Variants in GPC5 observed in about 807,000 individuals in gnomAD.
GPC5 encodes the protein glypican-5.
A neutral mutation model predicts 53.9 loss-of-function variants in GPC5; 47 were observed. The observed-to-expected ratio is 0.87, with a 90% CI of 0.69 to 1.11. The LOEUF is 1.11. Ranked by LOEUF, GPC5 falls within the 50% of genes most tolerant of loss-of-function variation. GPC5 has a pLI of 0.00. For missense variants in GPC5, 748 were observed against 713.1 expected (o/e 1.05, Z -0.56); for synonymous variants, 286 against 263.3 (o/e 1.09, Z -0.84).
intron 7 of GPC5, among the ~76,000 whole-genome samples, chr13:92,501,657 A>G (rs945916707): frequency 6.6e-6 from 1 of 152,098 alleles, no homozygotes; most frequent in Non-Finnish European, 1.5e-5. Context: ...TAATCCAAGA[A>G]AACAAAAAGA....
chr13:92,618,971 C>T (rs1211012420), intron 7 of GPC5, among the ~76,000 whole-genome samples: 2 of 151,886 alleles, frequency 1.3e-5, no homozygotes, highest in African/African-American at 4.8e-5. Flanking sequence ...TAAATTTAGT[C>T]ACATCTATAT....
chr13:92,094,475 C>A (rs189914033), intron 6 of GPC5, among the ~76,000 whole-genome samples: 1 of 128,820 alleles, frequency 7.8e-6, no homozygotes, highest in East Asian at 2.3e-4. Context: ...GAGCCGAAAT[C>A]GTACCACTGC....
intron 2 of GPC5, among the ~76,000 whole-genome samples, chr13:91,490,959 C>T (rs1269568334): frequency 6.6e-6 from 1 of 152,106 alleles, no homozygotes; most frequent in East Asian, 1.9e-4. Flanking sequence ...GTTTCCCCTT[C>T]CCCCACCATA....
intron 7 of GPC5, among the ~76,000 whole-genome samples, chr13:92,453,981 C>G (rs1878168078): frequency 6.6e-6 from 1 of 152,248 alleles, no homozygotes; most frequent in South Asian, 2.1e-4. Context: ...TCTGGTACCA[C>G]AGTAGTCAAG....
intron 7 of GPC5, among the ~76,000 whole-genome samples, chr13:92,751,795 G>GTC (rs1566400946): frequency 3.4e-4 from 52 of 152,172 alleles, no homozygotes; most frequent in Admixed American, 2.3e-3. Context: ...TGAGGGACAT[G>GTC]ACTTAAAACA....
At chr13:92,634,306 A>T (rs1404339775) in intron 7 of GPC5, among the ~76,000 whole-genome samples, 1 of 152,070 alleles carries the variant, frequency 6.6e-6, no homozygotes, top group African/African-American at 2.4e-5. Flanking sequence ...CTGTTCCTGA[A>T]GTTTGGATAG....
chr13:92,005,431 C>T (rs1377367782), intron 6 of GPC5, among the ~76,000 whole-genome samples: 1 of 152,048 alleles, frequency 6.6e-6, no homozygotes, highest in Non-Finnish European at 1.5e-5. Flanking sequence ...GTGGTTAGGG[C>T]CCTCAGCTTC....
intron 7 of GPC5, among the ~76,000 whole-genome samples, chr13:92,628,256 T>TTTTC (rs1885112250): frequency 6.0e-5 from 8 of 134,158 alleles, no homozygotes; most frequent in Non-Finnish European, 3.1e-5. Context: ...TTCTTTTTCT[T>TTTTC]TTTCTTTCTT....
At chr13:92,797,271 A>T (rs1876719383) in intron 7 of GPC5, among the ~76,000 whole-genome samples, 1 of 151,966 alleles carries the variant, frequency 6.6e-6, no homozygotes. Flanking sequence ...TAATCATAAG[A>T]CTCAACAAAA....
intron 5 of GPC5, among the ~76,000 whole-genome samples, chr13:91,880,974 A>G (rs1802126678): frequency 6.6e-6 from 1 of 152,088 alleles, no homozygotes; most frequent in African/African-American, 2.4e-5. Context: ...TGTTTTTAGT[A>G]GAGATGGGGT....
intron 6 of GPC5, among the ~76,000 whole-genome samples, chr13:92,028,219 T>TA (rs1259670760): frequency 1.3e-5 from 2 of 152,078 alleles, no homozygotes; most frequent in East Asian, 3.8e-4. Context: ...TCTTGCAAGA[T>TA]AAAAACGAAC....
chr13:91,494,264 A>G (rs1226720691), intron 2 of GPC5, among the ~76,000 whole-genome samples: 1 of 151,466 alleles, frequency 6.6e-6, no homozygotes, highest in East Asian at 1.9e-4. Flanking sequence ...TGTACACAAG[A>G]TCTATCTCCT....
intron 7 of GPC5, among the ~76,000 whole-genome samples, chr13:92,436,229 C>T (rs1182403863): frequency 6.6e-6 from 1 of 152,084 alleles, no homozygotes; most frequent in Non-Finnish European, 1.5e-5. Context: ...CTAAGTGTGG[C>T]TAAAACTCCT....
chr13:92,646,397 G>A (rs1237137828), intron 7 of GPC5, among the ~76,000 whole-genome samples: 10 of 152,056 alleles, frequency 6.6e-5, no homozygotes, highest in Admixed American at 6.6e-4. Flanking sequence ...TTACCTCAAT[G>A]CAACCCTATC....
chr13:91,512,624 G>A (rs1308030962), intron 2 of GPC5, among the ~76,000 whole-genome samples: 1 of 152,160 alleles, frequency 6.6e-6, no homozygotes, highest in African/African-American at 2.4e-5. Context: ...GGCCCTTAAC[G>A]CTTGGTAGAG....
rs568313291 is a variant in GPC5, at chr13:91,973,435, G to T, written c.1401+65378G>T. 3.1e-3 allele frequency among the ~76,000 whole-genome samples: 471 copies of T among 152,252 alleles called. 3 individuals are homozygous for T. The highest frequency in any genetic ancestry group is 0.011 in the African/African-American group (452 of 41,550). ...GAATTTCCTCCTGTAGCTTGGAGTG[G>T]TTTGATCATCTGGAGCCTTCTTCTC... On this transcript the variant is annotated intron_variant, in intron 6 of 7. Transcript: ENST00000377067.
chr13:92,700,268 T>C (rs578022208), intron 7 of GPC5, among the ~76,000 whole-genome samples: 1,530 of 150,054 alleles, frequency 0.01, 20 homozygotes, highest in South Asian at 0.056. Context: ...TTTTTTTTTT[T>C]TTTTTTTGGC....
chr13:91,508,710 A>G (rs1049223196), intron 2 of GPC5, among the ~76,000 whole-genome samples: 1 of 152,236 alleles, frequency 6.6e-6, no homozygotes, highest in Admixed American at 6.5e-5. Context: ...ACAACTGACT[A>G]TAAACATATA....
intron 7 of GPC5, among the ~76,000 whole-genome samples, chr13:92,306,363 G>A (rs2043110766): frequency 6.6e-6 from 1 of 152,080 alleles, no homozygotes; most frequent in Non-Finnish European, 1.5e-5. Context: ...ATGTTTAACA[G>A]GCTAAGAAAG....
Sources: gnomAD v4.1 joint callset for allele counts (sites outside exome capture counted in the v4.1 genomes callset) on GRCh38, gnomAD v4.1.1 for gene constraint, MANE v1.5 for transcripts, NCBI Gene and HGNC (gene_info 2026-07-23, HGNC 2026-07-21) for gene names.